CERT1: variants seen among roughly 807,000 people sequenced by gnomAD.
CERT1 encodes the protein ceramide transfer protein.
A neutral mutation model predicts 87.9 loss-of-function variants in CERT1; 31 were observed. That is an observed-to-expected ratio of 0.35 (90% confidence interval 0.27 to 0.48). CERT1 has a LOEUF of 0.48. Ranked by LOEUF, CERT1 falls within the 20% of genes least tolerant of loss-of-function variation. The pLI is 0.99. For synonymous variants in CERT1, 289 were observed against 250.9 expected (o/e 1.15, Z -1.44); for missense variants, 487 against 758.0 (o/e 0.64, Z 4.20).
chr5:75,468,864 T>C (rs1303805208), intron 2 of CERT1, among the ~76,000 whole-genome samples: 1 of 152,156 alleles, frequency 6.6e-6, no homozygotes, highest in Non-Finnish European at 1.5e-5. Context: ...TAAGTACCTA[T>C]TTCTTCAACA....
intron 3 of CERT1, among the ~76,000 whole-genome samples, chr5:75,429,765 A>G (rs921990311): frequency 6.6e-6 from 1 of 152,020 alleles, no homozygotes; most frequent in Non-Finnish European, 1.5e-5. Context: ...TGGTCACCAT[A>G]AAGTTTGGTT....
chr5:75,427,430 C>A lies in CERT1; in HGVS notation c.349-952G>T, dbSNP rs574090239. On this transcript the variant is annotated intron_variant, in intron 3 of 16. Coordinates refer to ENST00000643780, the MANE Select transcript of CERT1 (RefSeq NM_001379029.1). ...CCTGGCCAATATGGTGAAACCCTGTCTCTACTAAAAATACAAAAATTAGCC... is the reference window on the plus strand; with the variant it reads ...CCTGGCCAATATGGTGAAACCCTGTATCTACTAAAAATACAAAAATTAGCC... Among the ~76,000 whole-genome samples, 4 of 152,226 alleles carry A rather than the reference C, an allele frequency of 2.6e-5. No individual in the cohort carries two copies. The East Asian group carries it at 7.7e-4, about 29-fold the overall frequency.
chr5:75,495,183 T>C (rs1035546103), intron 2 of CERT1, among the ~76,000 whole-genome samples: 1 of 152,198 alleles, frequency 6.6e-6, no homozygotes, highest in African/African-American at 2.4e-5. Flanking sequence ...AAATACGTAA[T>C]TGTTGGATAA....
intron 9 of CERT1, chr5:75,402,605 T>A (rs1387170012): frequency 6.2e-6 from 1 of 162,372 alleles, no homozygotes; most frequent in Non-Finnish European, 1.4e-5. Context: ...GAGACCAGCC[T>A]GGCCAATATG....
intron 11 of CERT1, among the ~76,000 whole-genome samples, chr5:75,394,786 T>A (rs1210206079): frequency 2.0e-5 from 3 of 152,094 alleles, no homozygotes; most frequent in Non-Finnish European, 4.4e-5. Flanking sequence ...TGGCCTTTGT[T>A]CCCACAATTA....
chr5:75,439,547 T>C (rs980529474), intron 3 of CERT1, among the ~76,000 whole-genome samples: 2 of 152,052 alleles, frequency 1.3e-5, no homozygotes, highest in African/African-American at 2.4e-5. Context: ...CCACCTAAAC[T>C]ACATTGTCTC....
At chr5:75,424,305 A>C (rs1383058980) in intron 5 of CERT1, among the ~76,000 whole-genome samples, 2 of 152,026 alleles carry the variant, frequency 1.3e-5, no homozygotes, top group African/African-American at 4.8e-5. Context: ...GAGGGGGCCG[A>C]GCGCGGTGGC....
chr5:75,407,242 TA>T lies in CERT1; in HGVS notation c.930+3768del, dbSNP rs1762741885. On this transcript the variant is annotated intron_variant, in intron 8 of 16. Coordinates refer to ENST00000643780, the MANE Select transcript of CERT1 (RefSeq NM_001379029.1). ...GCTAGTGGAATAAAATAGGTTTCTA[TA>T]TTGTATCATTATTTTAAAAACTCCA... Among the ~76,000 whole-genome samples the T allele has an allele frequency of 3.3e-5, 5 of 152,076 alleles. No homozygotes were observed. In the South Asian group the frequency reaches 8.3e-4, roughly 25 times the overall value.
intron 8 of CERT1, among the ~76,000 whole-genome samples, chr5:75,403,371 A>G (rs1379202754): frequency 6.6e-6 from 1 of 152,282 alleles, no homozygotes; most frequent in Non-Finnish European, 1.5e-5. Context: ...ACTTTTGTAC[A>G]GCCTGTGAGC....
chr5:75,497,504 T>A (rs1411965888), intron 2 of CERT1, among the ~76,000 whole-genome samples: 1 of 152,106 alleles, frequency 6.6e-6, no homozygotes, highest in Non-Finnish European at 1.5e-5. Context: ...TGCATCCCCA[T>A]CCAAATCTCA....
chr5:75,439,030 G>A (rs748094457), intron 3 of CERT1, among the ~76,000 whole-genome samples: 1 of 151,104 alleles, frequency 6.6e-6, no homozygotes, highest in Admixed American at 6.6e-5. Flanking sequence ...AAGCTGATAC[G>A]AAGGTTACTA....
intron 1 of CERT1, 38 bp downstream of exon 1, chr5:75,511,074 G>A: frequency 1.3e-6 from 2 of 1,502,000 alleles, no homozygotes; most frequent in South Asian, 2.7e-5. Context: ...CTGCAGGTGA[G>A]TCTGGCCAGG....
At chr5:75,402,819 A>C in intron 9 of CERT1, 153 bp downstream of exon 9, 1 of 492,038 alleles carries the variant, frequency 2.0e-6, no homozygotes, top group Non-Finnish European at 3.7e-6. Context: ...AAAAAAGATT[A>C]TTTTACATTT....
intron 13 of CERT1, among the ~76,000 whole-genome samples, chr5:75,384,931 C>T (rs1472796382): frequency 2.0e-5 from 3 of 152,068 alleles, no homozygotes; most frequent in South Asian, 2.1e-4. Context: ...TTTCTTTGGC[C>T]CAATTATCTA....
intron 2 of CERT1, among the ~76,000 whole-genome samples, chr5:75,476,650 TAAG>T (rs1181272360): frequency 6.6e-6 from 1 of 152,080 alleles, no homozygotes; most frequent in Admixed American, 6.6e-5. Flanking sequence ...GGCTTGAAAA[TAAG>T]AAACTAGAGC....
chr5:75,454,681 A>G (rs1184889437), intron 3 of CERT1, among the ~76,000 whole-genome samples: 1 of 152,204 alleles, frequency 6.6e-6, no homozygotes, highest in African/African-American at 2.4e-5. Flanking sequence ...AAGACCAATC[A>G]TGGAAGCTGA....
rs1460142121 is a variant in CERT1 at position 75,511,220 on chromosome 5, A to G, written c.-13T>C. ...GATTATCCGACATGGAGGCTCGACAACCGAGCAGGAGACCGGCCCCCGCTC... is the reference window on the plus strand; with the variant it reads ...GATTATCCGACATGGAGGCTCGACAGCCGAGCAGGAGACCGGCCCCCGCTC... On this transcript the variant is annotated 5_prime_UTR_variant, in exon 1 of 17. Transcript: ENST00000643780. 6.2e-7 allele frequency: 1 copy of G among 1,612,172 alleles called. No homozygotes were observed. The highest frequency in any genetic ancestry group is 8.5e-7 in the Non-Finnish European group (1 of 1,179,598).
At position 75,511,450 on chromosome 5, in the gene CERT1, C is replaced by CCGCCGT. The variant is rs746786853; in HGVS notation, c.-249_-244dup. On this transcript the variant is annotated 5_prime_UTR_variant, in exon 1 of 17. Coordinates refer to ENST00000643780, the MANE Select transcript of CERT1 (RefSeq NM_001379029.1). ...CTACCCTTCCAGCCGTCAGCCGCCG[C>CCGCCGT]CGCCGTCGCCGTGACCCCTGCGTTG... The CCGCCGT allele has an allele frequency of 3.0e-4, 466 of 1,533,128 alleles. 1 individual carries two copies. The highest frequency in any genetic ancestry group is 1.1e-3 in the Admixed American group (54 of 49,852). 95.0% of individuals were successfully genotyped at this position (1,533,128 alleles called of 1,614,324 possible).
intron 3 of CERT1, among the ~76,000 whole-genome samples, chr5:75,436,023 C>T (rs1764082118): frequency 6.6e-6 from 1 of 152,088 alleles, no homozygotes; most frequent in East Asian, 1.9e-4. Context: ...CGGCAGGTCC[C>T]TGTGTGAAAA....
Sources: allele counts gnomAD v4.1 joint callset (sites outside exome capture counted in the v4.1 genomes callset), GRCh38; gene constraint gnomAD v4.1.1; transcripts MANE v1.5; gene names NCBI Gene and HGNC (gene_info 2026-07-23, HGNC 2026-07-21).